Variants in GLIS3 observed in about 807,000 individuals in gnomAD.
GLIS3 encodes the protein GLIS family zinc finger 3.
In GLIS3, 53 loss-of-function variants were observed where a neutral mutation model predicts 78.6. That is an observed-to-expected ratio of 0.67 (90% CI 0.54 to 0.85). The LOEUF (loss-of-function observed/expected upper bound fraction) is 0.85. Ranked by LOEUF, GLIS3 falls within the 40% of genes least tolerant of loss-of-function variation. The pLI, the probability that GLIS3 is intolerant of heterozygous loss-of-function variation, is 0.00. For missense variants in GLIS3, 1,703 were observed against 1,231.1 expected (o/e 1.38, Z -5.74); for synonymous variants, 684 against 509.9 (o/e 1.34, Z -4.60).
intron 4 of GLIS3, among the ~76,000 whole-genome samples, chr9:3,958,805 G>A (rs1817339587): frequency 6.6e-6 from 1 of 152,228 alleles, no homozygotes; most frequent in Non-Finnish European, 1.5e-5. Flanking sequence ...GTATAAATAG[G>A]AGTTCAACGT....
In GLIS3 at chr9:4,112,587, C is replaced by T. The variant is rs1240189853; in HGVS notation, c.1710+5181G>A. 2.0e-5 allele frequency among the ~76,000 whole-genome samples: 3 copies of T among 152,110 alleles called. No homozygotes were observed. The South Asian group carries it at 6.2e-4, about 32-fold the overall frequency. On this transcript the variant is annotated intron_variant, in intron 4 of 10. Coordinates refer to ENST00000381971, the MANE Select transcript of GLIS3 (RefSeq NM_001042413.2). ...CAGGTACGGGTACTTCGGATGATTCCAGTGTCAGCCAGGGTTAAGAACTAC... is the reference window on the plus strand; with the variant it reads ...CAGGTACGGGTACTTCGGATGATTCTAGTGTCAGCCAGGGTTAAGAACTAC...
At chr9:4,435,753 T>G in the GLIS3 span, among the ~76,000 whole-genome samples, 7 of 152,062 alleles carry the variant, frequency 4.6e-5, no homozygotes, top group Non-Finnish European at 8.8e-5. Flanking sequence ...ATGGAGACCA[T>G]CCTGGCTAAT....
At chr9:3,918,295 G>T (rs142413291) in intron 6 of GLIS3, among the ~76,000 whole-genome samples, 41 of 152,322 alleles carry the variant, frequency 2.7e-4, no homozygotes, top group African/African-American at 9.9e-4. Flanking sequence ...ACTCCACCTT[G>T]AGAGGCAATT....
At chr9:4,073,128 T>C (rs1252451186) in intron 4 of GLIS3, among the ~76,000 whole-genome samples, 1 of 152,130 alleles carries the variant, frequency 6.6e-6, no homozygotes, top group Non-Finnish European at 1.5e-5. Flanking sequence ...ACCGATACAT[T>C]TGAGTTGCAC....
chr9:3,839,465 A>G (rs978680654), intron 9 of GLIS3, among the ~76,000 whole-genome samples: 1 of 152,174 alleles, frequency 6.6e-6, no homozygotes, highest in Non-Finnish European at 1.5e-5. Context: ...GTCATAAGGA[A>G]GGAAAGGAAC....
In GLIS3 at chr9:3,825,359, A is replaced by T. The variant is rs1817670721; in HGVS notation, c.*2913T>A. 6.6e-6 allele frequency: 1 copy of T among 152,238 alleles called. No individual in the cohort carries two copies. The highest frequency in any genetic ancestry group is 2.4e-5 in the African/African-American group (1 of 41,462). 9.4% of individuals were successfully genotyped at this position (152,238 alleles called of 1,614,324 possible). ...AACAGCTGATCAGAGGCTAAATTAC[A>T]ACTGACATTTTGATGCAGTTTCGTT... is the stretch of plus-strand genomic sequence containing the variant. On this transcript the variant is annotated 3_prime_UTR_variant, in exon 11 of 11. Coordinates refer to ENST00000381971, the MANE Select transcript of GLIS3 (RefSeq NM_001042413.2).
intron 1 of GLIS3, chr9:4,298,371 T>C: frequency 2.2e-6 from 1 of 455,986 alleles, no homozygotes; most frequent in South Asian, 1.6e-5. Flanking sequence ...CCAAAGTTTC[T>C]CCCGCCAGGT....
chr9:4,214,020 T>C (rs1820601509), intron 2 of GLIS3, among the ~76,000 whole-genome samples: 1 of 151,432 alleles, frequency 6.6e-6, no homozygotes, highest in African/African-American at 2.4e-5. Flanking sequence ...TAAGGCAAGG[T>C]TAAGAGATAG....
At chr9:4,077,614 C>G (rs1358878152) in intron 4 of GLIS3, among the ~76,000 whole-genome samples, 1 of 152,162 alleles carries the variant, frequency 6.6e-6, no homozygotes, top group Non-Finnish European at 1.5e-5. Flanking sequence ...TCCTTCTATG[C>G]TGTTCTTTGA....
At chr9:3,998,299 G>C (rs1482908743) in intron 4 of GLIS3, among the ~76,000 whole-genome samples, 1 of 152,138 alleles carries the variant, frequency 6.6e-6, no homozygotes, top group Non-Finnish European at 1.5e-5. Flanking sequence ...TATTGTTAAT[G>C]AGGTGTCATT....
At chr9:4,393,652 G>A in the GLIS3 span, among the ~76,000 whole-genome samples, 3 of 152,116 alleles carry the variant, frequency 2.0e-5, no homozygotes, top group Non-Finnish European at 4.4e-5. Flanking sequence ...TTTGTAAAAT[G>A]TCCCCCACAT....
chr9:4,388,008 T>C, the GLIS3 span, among the ~76,000 whole-genome samples: 5 of 152,206 alleles, frequency 3.3e-5, no homozygotes, highest in African/African-American at 1.2e-4. Context: ...CTTTAACCCA[T>C]GATGTGGGTT....
chr9:4,005,324 C>T (rs941303077), intron 4 of GLIS3, among the ~76,000 whole-genome samples: 1 of 152,138 alleles, frequency 6.6e-6, no homozygotes, highest in African/African-American at 2.4e-5. Flanking sequence ...TATGTCCTGC[C>T]ATTCATTCAT....
intron 4 of GLIS3, among the ~76,000 whole-genome samples, chr9:4,024,524 A>C (rs1477282704): frequency 1.3e-5 from 2 of 152,184 alleles, no homozygotes; most frequent in African/African-American, 4.8e-5. Flanking sequence ...GAACTAAATG[A>C]AGCCCAGGAA....
chr9:3,905,316 C>A (rs1265757081), intron 6 of GLIS3, among the ~76,000 whole-genome samples: 1 of 151,894 alleles, frequency 6.6e-6, no homozygotes, highest in Non-Finnish European at 1.5e-5. Flanking sequence ...TAGCCGGAAG[C>A]CTGTCATTCA....
At chr9:4,267,295 TATAG>T (rs1807761886) in intron 2 of GLIS3, among the ~76,000 whole-genome samples, 1 of 152,164 alleles carries the variant, frequency 6.6e-6, no homozygotes. Context: ...AAGATGAGTT[TATAG>T]ATAGATTATG....
intron 4 of GLIS3, among the ~76,000 whole-genome samples, chr9:4,033,784 T>G (rs1588498525): frequency 6.8e-6 from 1 of 147,764 alleles, no homozygotes; most frequent in East Asian, 2.0e-4. Flanking sequence ...TGCCAGCTAT[T>G]TAAGATGAAC....
chr9:4,117,401 G>A (rs1358571972), intron 4 of GLIS3, among the ~76,000 whole-genome samples: 1 of 152,176 alleles, frequency 6.6e-6, no homozygotes, highest in African/African-American at 2.4e-5. Context: ...CTGCATATTT[G>A]CTTTGGAAAA....
intron 2 of GLIS3, among the ~76,000 whole-genome samples, chr9:4,321,161 C>T (rs1817518670): frequency 6.6e-6 from 1 of 151,372 alleles, no homozygotes; most frequent in South Asian, 2.1e-4. Context: ...TGGCTCACGC[C>T]TGTAATCCCA....
Sources: gnomAD v4.1 joint callset for allele counts (sites outside exome capture counted in the v4.1 genomes callset) on GRCh38, gnomAD v4.1.1 for gene constraint, MANE v1.5 for transcripts, NCBI Gene and HGNC (gene_info 2026-07-23, HGNC 2026-07-21) for gene names.